Variants in PITPNC1 observed in about 807,000 individuals in gnomAD.
The protein encoded by PITPNC1 is phosphatidylinositol transfer protein cytoplasmic 1, also known as cytoplasmic phosphatidylinositol transfer protein 1.
PITPNC1 carries 18 observed loss-of-function variants against 44.7 expected under a neutral mutation model. The ratio of observed to expected loss-of-function variants is 0.40; its 90% confidence interval spans 0.28 to 0.60. The LOEUF (loss-of-function observed/expected upper bound fraction) is 0.60, where lower values mean the gene tolerates loss of function less well. Ranked by LOEUF, PITPNC1 falls within the 20% of genes least tolerant of loss-of-function variation. The pLI is 0.39. For synonymous variants in PITPNC1, 141 were observed against 149.6 expected, an observed-to-expected ratio of 0.94 and a Z score of 0.42; for missense variants, 290 against 418.4, an observed-to-expected ratio of 0.69 and a Z score of 2.68.
intron 1 of PITPNC1, among the ~76,000 whole-genome samples, chr17:67,399,309 G>A (rs535723046): frequency 6.6e-6 from 1 of 152,180 alleles, no homozygotes; most frequent in Non-Finnish European, 1.5e-5. Context: ...CACTGTGCCT[G>A]TCAGAGGGTA....
chr17:67,644,647 C>G (rs1212206713), intron 6 of PITPNC1, among the ~76,000 whole-genome samples: 3 of 151,998 alleles, frequency 2.0e-5, no homozygotes, highest in African/African-American at 7.3e-5. Context: ...GTTGGTCAGG[C>G]TGCTCTCGAA....
chr17:67,386,861 G>T (rs986343102), intron 1 of PITPNC1, among the ~76,000 whole-genome samples: 1 of 152,100 alleles, frequency 6.6e-6, no homozygotes, highest in African/African-American at 2.4e-5. Context: ...TACTGAGAAG[G>T]TTTTATGTAT....
chr17:67,663,246 G>A (rs1045712473), intron 6 of PITPNC1, among the ~76,000 whole-genome samples: 10 of 152,204 alleles, frequency 6.6e-5, no homozygotes, highest in Non-Finnish European at 1.3e-4. Context: ...ACCCAGGAAA[G>A]AATTCAAGGG....
intron 5 of PITPNC1, among the ~76,000 whole-genome samples, chr17:67,604,184 T>G (rs2080892892): frequency 6.6e-6 from 1 of 152,222 alleles, no homozygotes; most frequent in Admixed American, 6.5e-5. Context: ...TTCTCAGATG[T>G]AATGCCATAT....
intron 6 of PITPNC1, among the ~76,000 whole-genome samples, chr17:67,665,971 G>C (rs1365726721): frequency 6.6e-6 from 1 of 151,708 alleles, no homozygotes; most frequent in African/African-American, 2.4e-5. Context: ...CTCCCTAGTA[G>C]CTGGGATTAC....
chr17:67,428,767 A>G (rs1247629016), intron 1 of PITPNC1, among the ~76,000 whole-genome samples: 1 of 151,820 alleles, frequency 6.6e-6, no homozygotes, highest in Admixed American at 6.6e-5. Context: ...TCCCAACCCC[A>G]TATAAACTAG....
Position 67,503,825 on chromosome 17 carries a change from T to C in PITPNC1, c.49-28977T>C, listed in dbSNP as rs575241077. 3.3e-5 allele frequency among the ~76,000 whole-genome samples: 5 copies of C among 152,304 alleles called. No homozygotes were observed. The South Asian group carries it at 1.0e-3, about 32-fold the overall frequency. On this transcript the variant is annotated intron_variant, in intron 1 of 8. Transcript: ENST00000581322. ...GTGACAAAATTCTGTCCAGGTGTGT[T>C]GACTGAATTCAGGCTTTCTTTACGC...
At chr17:67,552,861 C>T (rs527239899) in intron 3 of PITPNC1, among the ~76,000 whole-genome samples, 1 of 149,474 alleles carries the variant, frequency 6.7e-6, no homozygotes, top group South Asian at 2.1e-4. Flanking sequence ...TTTATAGAGA[C>T]ATTTCCAGAG....
intron 5 of PITPNC1, among the ~76,000 whole-genome samples, chr17:67,605,778 A>C (rs2041600226): frequency 6.6e-6 from 1 of 152,216 alleles, no homozygotes; most frequent in Admixed American, 6.5e-5. Flanking sequence ...CATCAAGTGA[A>C]GCCAGTAAAC....
At chr17:67,588,689 G>T (rs551943220) in intron 5 of PITPNC1, among the ~76,000 whole-genome samples, 1 of 152,158 alleles carries the variant, frequency 6.6e-6, no homozygotes, top group Admixed American at 6.5e-5. Flanking sequence ...GGCCAAGGTC[G>T]GGGACAACTG....
chr17:67,536,478 C>T (rs920966685), intron 2 of PITPNC1, among the ~76,000 whole-genome samples: 12 of 152,160 alleles, frequency 7.9e-5, no homozygotes, highest in East Asian at 3.9e-4. Flanking sequence ...CCACCAGCCT[C>T]GGCCTCCCAA....
chr17:67,660,862 CTTT>C (rs141244732), intron 6 of PITPNC1, among the ~76,000 whole-genome samples: 1 of 111,806 alleles, frequency 8.9e-6, no homozygotes. Context: ...ATCACATTCT[CTTT>C]TTTTTTTTTT....
chr17:67,538,041 G>A (rs2040553635), intron 2 of PITPNC1, among the ~76,000 whole-genome samples: 2 of 151,802 alleles, frequency 1.3e-5, no homozygotes, highest in South Asian at 4.2e-4. Flanking sequence ...GAAAGTTGAA[G>A]GAGGGGCTTG....
At chr17:67,464,117 C>T (rs948482329) in intron 1 of PITPNC1, among the ~76,000 whole-genome samples, 2 of 151,756 alleles carry the variant, frequency 1.3e-5, no homozygotes, top group Non-Finnish European at 1.5e-5. Context: ...CGCTTGAACC[C>T]GGGAGGCAGA....
intron 8 of PITPNC1, among the ~76,000 whole-genome samples, chr17:67,679,705 T>C: frequency 6.6e-6 from 1 of 152,218 alleles, no homozygotes; most frequent in East Asian, 1.9e-4. Flanking sequence ...CATTTCCATA[T>C]TGGAGGAGTT....
In PITPNC1 at chr17:67,597,416, C is replaced by G. The variant is rs189402184; in HGVS notation, c.366+19159C>G. 3.8e-3 allele frequency among the ~76,000 whole-genome samples: 576 copies of G among 152,014 alleles called. 2 individuals carry two copies. Among genetic ancestry groups the G allele is most frequent in the African/African-American group, 0.013 (547 of 41,474 alleles). On this transcript the variant is annotated intron_variant, in intron 5 of 8. Transcript: ENST00000581322. The surrounding 1 kb of genome is among the most constrained non-coding windows in gnomAD (Gnocchi z 4.0). ...TAAAAATACAAAAATTAGCCAGGCG[C>G]GGTGGCACACACCTGTAATCACAGC...
chr17:67,407,198 C>A (rs1280556599), intron 1 of PITPNC1, among the ~76,000 whole-genome samples: 1 of 152,148 alleles, frequency 6.6e-6, no homozygotes. Context: ...TTGGTCCTAG[C>A]CATTCTAGTA....
chr17:67,415,781 A>G (rs2038578119), intron 1 of PITPNC1, among the ~76,000 whole-genome samples: 1 of 152,142 alleles, frequency 6.6e-6, no homozygotes, highest in Non-Finnish European at 1.5e-5. Context: ...TTTTCTGAAG[A>G]TCATGTTGTA....
intron 1 of PITPNC1, among the ~76,000 whole-genome samples, chr17:67,503,637 A>G (rs2040064517): frequency 6.6e-6 from 1 of 152,208 alleles, no homozygotes; most frequent in Admixed American, 6.5e-5. Context: ...ATTACCCAGT[A>G]TCCTAATGGG....
Sources: allele counts gnomAD v4.1 joint callset (sites outside exome capture counted in the v4.1 genomes callset), GRCh38; gene constraint gnomAD v4.1.1; non-coding constraint Gnocchi (gnomAD v3.1); transcripts MANE v1.5; gene names NCBI Gene and HGNC (gene_info 2026-07-23, HGNC 2026-07-21).